The following RAB3GAP2 variants were observed in gnomAD, a reference collection of about 807,000 sequenced individuals.
The protein encoded by RAB3GAP2 is rab3 GTPase-activating protein non-catalytic subunit.
A neutral mutation model predicts 185.3 loss-of-function variants in RAB3GAP2; 87 were observed. The ratio of observed to expected loss-of-function variants is 0.47; its 90% CI spans 0.39 to 0.56. RAB3GAP2 has a LOEUF of 0.56. Among genes scored for constraint, RAB3GAP2 ranks in the 20% least tolerant of loss-of-function variants. The pLI, the probability that RAB3GAP2 is intolerant of heterozygous loss-of-function variation, is 0.00. For synonymous variants in RAB3GAP2, 554 were observed against 576.1 expected, an observed-to-expected ratio of 0.96 and a Z score of 0.55; for missense variants, 1,492 against 1,638.2, an observed-to-expected ratio of 0.91 and a Z score of 1.54.
At chr1:220,248,594 C>A (rs1461615344) in intron 1 of RAB3GAP2, among the ~76,000 whole-genome samples, 1 of 150,328 alleles carries the variant, frequency 6.7e-6, no homozygotes, top group Non-Finnish European at 1.5e-5. Flanking sequence ...TCATTAAAAT[C>A]CCAGTATAAA....
chr1:220,207,382 T>C (rs1011331819), intron 7 of RAB3GAP2, among the ~76,000 whole-genome samples: 4 of 152,220 alleles, frequency 2.6e-5, no homozygotes, highest in Admixed American at 2.0e-4. Flanking sequence ...ATCCAAAAGG[T>C]GAAAAGTTAT....
chr1:220,223,208 G>C (rs1040477261), intron 2 of RAB3GAP2, among the ~76,000 whole-genome samples: 1 of 152,044 alleles, frequency 6.6e-6, no homozygotes, highest in Non-Finnish European at 1.5e-5. Context: ...ATGTCACTTT[G>C]TCTGACCACA....
At chr1:220,217,507 C>T (rs1007768912) in intron 2 of RAB3GAP2, among the ~76,000 whole-genome samples, 3 of 152,076 alleles carry the variant, frequency 2.0e-5, no homozygotes, top group African/African-American at 7.2e-5. Flanking sequence ...TTCAAACTTA[C>T]TGCAATTAAA....
chr1:220,173,787 G>A (rs1483789238), intron 21 of RAB3GAP2, among the ~76,000 whole-genome samples: 5 of 152,044 alleles, frequency 3.3e-5, no homozygotes, highest in Non-Finnish European at 5.9e-5. Flanking sequence ...TTGGGAGGCC[G>A]AGGCGGGCGG....
chr1:220,206,247 G>C (rs1196715942), intron 7 of RAB3GAP2, among the ~76,000 whole-genome samples: 1 of 152,086 alleles, frequency 6.6e-6, no homozygotes, highest in African/African-American at 2.4e-5. Flanking sequence ...GATGCTGAGA[G>C]TAAATAAAGA....
chr1:220,237,107 T>TA (rs924644956), intron 1 of RAB3GAP2, among the ~76,000 whole-genome samples: 4 of 152,294 alleles, frequency 2.6e-5, no homozygotes, highest in African/African-American at 9.6e-5. Flanking sequence ...TGGTATAACT[T>TA]AAAAAGGCAA....
chr1:220,223,242 T>A (rs1487655795), intron 2 of RAB3GAP2, among the ~76,000 whole-genome samples: 1 of 152,086 alleles, frequency 6.6e-6, no homozygotes, highest in Non-Finnish European at 1.5e-5. Context: ...ACATACTAAA[T>A]CTAGGTGTCA....
chr1:220,213,071 T>G, intron 3 of RAB3GAP2, 103 bp from the exon 4 acceptor site: 1 of 805,814 alleles, frequency 1.2e-6, no homozygotes, highest in South Asian at 1.9e-5. Flanking sequence ...TTACAAAATT[T>G]AACAGTTGTG....
At chr1:220,249,999 G>A in intron 1 of RAB3GAP2, among the ~76,000 whole-genome samples, 1 of 152,230 alleles carries the variant, frequency 6.6e-6, no homozygotes, top group Non-Finnish European at 1.5e-5. Context: ...CAGTGTGGAA[G>A]GGAAATGTGG....
chr1:220,189,411 G>A (rs1380276378), intron 17 of RAB3GAP2, among the ~76,000 whole-genome samples: 1 of 151,734 alleles, frequency 6.6e-6, no homozygotes, highest in East Asian at 1.9e-4. Context: ...AGTAGAGACG[G>A]GGTTTCACCA....
At chr1:220,266,856 C>G in intron 1 of RAB3GAP2, 1 of 1,597,166 alleles carries the variant, frequency 6.3e-7, no homozygotes, top group South Asian at 1.1e-5. Flanking sequence ...CTGGCTCCCT[C>G]TGTTACAAAG....
At chr1:220,183,066 T>C in intron 19 of RAB3GAP2, 135 bp from the exon 20 acceptor site, 1 of 692,838 alleles carries the variant, frequency 1.4e-6, no homozygotes, top group Non-Finnish European at 2.5e-6. Context: ...CTTAAAACTT[T>C]ACTTACAAAT....
chr1:220,155,059 T>TA, intron 31 of RAB3GAP2, among the ~76,000 whole-genome samples: 1 of 152,298 alleles, frequency 6.6e-6, no homozygotes, highest in Non-Finnish European at 1.5e-5. Context: ...TTGAATTGTT[T>TA]AAAAACACCT....
In RAB3GAP2 at chr1:220,170,900, C is replaced by T. The variant is rs1453953561; in HGVS notation, c.2798G>A (p.Gly933Glu). ...PRLSVKKLLE[G>E]GKGGIADSVA... The stretch of plus-strand genomic sequence containing the variant: ...AATAAACTTCAGCTTACCTTTTCCT[C>T]CTTCTAATAACTTTTTAACAGAAAG... The change falls in exon 24 of 35, where the codon GGA becomes GAA. Residue 933 changes from glycine (G) to glutamate (E), a missense_variant. Physicochemically the swap from Gly to Glu is moderately conservative, Grantham distance 98 (BLOSUM62 -2). Around this residue, in one of 5 missense-constraint regions of RAB3GAP2, gnomAD observed 681 missense variants for 689.1 expected, o/e 0.99. Transcript: ENST00000358951. 4 of 1,612,680 alleles carry T rather than the reference C, an allele frequency of 2.5e-6. No homozygotes were observed. The highest frequency in any genetic ancestry group is 1.3e-5 in the African/African-American group (1 of 75,022).
intron 21 of RAB3GAP2, among the ~76,000 whole-genome samples, chr1:220,174,102 A>C (rs965126428): frequency 6.6e-6 from 1 of 152,000 alleles, no homozygotes; most frequent in Non-Finnish European, 1.5e-5. Context: ...AAAAAAAAGA[A>C]CTAAAATTTG....
chr1:220,225,889 T>A (rs1265735261), intron 2 of RAB3GAP2, among the ~76,000 whole-genome samples: 1 of 152,182 alleles, frequency 6.6e-6, no homozygotes, highest in Non-Finnish European at 1.5e-5. Context: ...CATTTTCCAG[T>A]ATCATCCCAG....
At chr1:220,172,855 G>T (rs1558144146) in intron 21 of RAB3GAP2, 113 bp from the exon 22 acceptor site, 1 of 711,970 alleles carries the variant, frequency 1.4e-6, no homozygotes, top group Non-Finnish European at 2.5e-6. Flanking sequence ...TTCTTGAGGT[G>T]AAAAAATTAG....
Position 220,272,429 on chromosome 1 carries a change from C to A in RAB3GAP2, c.-92G>T. 4.9e-6 allele frequency: 4 copies of A among 824,424 alleles called. No homozygotes were observed. The South Asian group carries it at 5.8e-5, about 12-fold the overall frequency. 51.1% of individuals were successfully genotyped at this position (824,424 alleles called of 1,614,324 possible). ...CGGCCGCCACCGAGCCCCAATAGCT[C>A]TAGCCAAGCAGAAGGCGGAGAAACC... On this transcript the variant is annotated 5_prime_UTR_variant, in exon 1 of 35. Coordinates refer to ENST00000358951, the MANE Select transcript of RAB3GAP2 (RefSeq NM_012414.4).
chr1:220,201,709 G>A (rs974641119), intron 9 of RAB3GAP2, among the ~76,000 whole-genome samples: 3 of 151,834 alleles, frequency 2.0e-5, no homozygotes, highest in Non-Finnish European at 2.9e-5. Flanking sequence ...TATGTGGGTC[G>A]GGCTAATCTT....
Sources: allele counts gnomAD v4.1 joint callset (sites outside exome capture counted in the v4.1 genomes callset), GRCh38; gene constraint gnomAD v4.1.1; regional missense constraint gnomAD v4.1.1; transcripts MANE v1.5; gene names NCBI Gene and HGNC (gene_info 2026-07-23, HGNC 2026-07-21).